Variants in CNTNAP2 observed in about 807,000 individuals in gnomAD.
CNTNAP2 encodes contactin-associated protein-like 2.
CNTNAP2 carries 98 observed loss-of-function variants against 155.2 expected under a neutral mutation model. The observed-to-expected ratio is 0.63, with a 90% CI of 0.54 to 0.75. The LOEUF (loss-of-function observed/expected upper bound fraction) is 0.75, where lower values mean the gene tolerates loss of function less well. Ranked by LOEUF, CNTNAP2 falls within the 30% of genes least tolerant of loss-of-function variation. CNTNAP2 has a pLI of 0.00. For synonymous variants in CNTNAP2, 651 were observed against 631.2 expected (o/e 1.03, Z -0.47); for missense variants, 1,727 against 1,688.1 (o/e 1.02, Z -0.40).
At chr7:148,058,176 G>C (rs1225819272) in intron 15 of CNTNAP2, among the ~76,000 whole-genome samples, 4 of 152,018 alleles carry the variant, frequency 2.6e-5, no homozygotes, top group Non-Finnish European at 5.9e-5. Context: ...GAGAGAGCAT[G>C]GTGTTCAATT....
chr7:146,937,384 TAAATA>T (rs1299030195), intron 3 of CNTNAP2, among the ~76,000 whole-genome samples: 1 of 148,708 alleles, frequency 6.7e-6, no homozygotes, highest in Non-Finnish European at 1.5e-5. Flanking sequence ...TAAAATAAAA[TAAATA>T]AAAGCGAAAA....
chr7:146,173,165 C>T (rs1038172514), intron 1 of CNTNAP2, among the ~76,000 whole-genome samples: 3 of 152,064 alleles, frequency 2.0e-5, no homozygotes, highest in Admixed American at 6.6e-5. Context: ...TAGTGAATTA[C>T]GTGCAGAGAA....
At chr7:147,963,540 G>A (rs145168550) in intron 14 of CNTNAP2, among the ~76,000 whole-genome samples, 47 of 152,246 alleles carry the variant, frequency 3.1e-4, no homozygotes, top group African/African-American at 1.1e-3. Flanking sequence ...ACAGAGGAAT[G>A]TGTGACAGTA....
chr7:148,322,409 A>G (rs1385686966), intron 21 of CNTNAP2, among the ~76,000 whole-genome samples: 1 of 152,242 alleles, frequency 6.6e-6, no homozygotes, highest in East Asian at 1.9e-4. Context: ...CATGGCAGCC[A>G]TAAGCTACCA....
At chr7:147,266,295 C>T (rs941015422) in intron 8 of CNTNAP2, among the ~76,000 whole-genome samples, 6 of 152,276 alleles carry the variant, frequency 3.9e-5, no homozygotes, top group South Asian at 2.1e-4. Flanking sequence ...CATAAAAGAC[C>T]GGATGGAGCT....
chr7:146,377,897 G>A (rs1795326280), intron 1 of CNTNAP2, among the ~76,000 whole-genome samples: 1 of 152,084 alleles, frequency 6.6e-6, no homozygotes, highest in African/African-American at 2.4e-5. Context: ...CCCAACGTGG[G>A]GCCTGAGATG....
In CNTNAP2 at chr7:146,649,437, G is replaced by A. The variant is rs979493912; in HGVS notation, c.98-124834G>A. 7.2e-5 allele frequency among the ~76,000 whole-genome samples: 11 copies of A among 152,224 alleles called. No individual in the cohort carries two copies. In the East Asian group the frequency reaches 2.1e-3, roughly 29 times the overall value. On this transcript the variant is annotated intron_variant, in intron 1 of 23. Transcript: ENST00000361727. Reference sequence around the variant, plus strand: ...TGATGTAAGTTCATGATAAATGCTAGAGGATTAATTTCATATAGCTACATA... The same window carrying A: ...TGATGTAAGTTCATGATAAATGCTAAAGGATTAATTTCATATAGCTACATA...
At chr7:146,872,225 C>A (rs1490910125) in intron 3 of CNTNAP2, among the ~76,000 whole-genome samples, 4 of 140,956 alleles carry the variant, frequency 2.8e-5, no homozygotes, top group African/African-American at 7.9e-5. Context: ...CGTCATCCAC[C>A]TGTATGAAAA....
chr7:147,307,254 G>A (rs1795047154), intron 9 of CNTNAP2, among the ~76,000 whole-genome samples: 1 of 152,172 alleles, frequency 6.6e-6, no homozygotes, highest in Non-Finnish European at 1.5e-5. Flanking sequence ...TAAATGCTGG[G>A]CAAGTCAGCT....
At chr7:147,606,534 C>A (rs1407430608) in intron 12 of CNTNAP2, among the ~76,000 whole-genome samples, 1 of 152,152 alleles carries the variant, frequency 6.6e-6, no homozygotes, top group Non-Finnish European at 1.5e-5. Context: ...ACCTTTACAT[C>A]TTTTATTCTT....
chr7:147,651,448 A>G (rs1372602773), intron 13 of CNTNAP2, among the ~76,000 whole-genome samples: 1 of 152,256 alleles, frequency 6.6e-6, no homozygotes, highest in Admixed American at 6.5e-5. Context: ...AAGTTGACAG[A>G]TAAAACCGAC....
chr7:147,819,326 T>C (rs1403002783), intron 13 of CNTNAP2, among the ~76,000 whole-genome samples: 2 of 152,168 alleles, frequency 1.3e-5, no homozygotes, highest in African/African-American at 4.8e-5. Context: ...TGATGTTGCC[T>C]TTTTCACTTC....
intron 1 of CNTNAP2, among the ~76,000 whole-genome samples, chr7:146,288,482 C>T (rs1236385874): frequency 6.6e-6 from 1 of 151,948 alleles, no homozygotes; most frequent in Non-Finnish European, 1.5e-5. Context: ...AGCAGGCCCT[C>T]AGATAATGTT....
chr7:147,701,263 T>G (rs976407066), intron 13 of CNTNAP2, among the ~76,000 whole-genome samples: 1 of 152,192 alleles, frequency 6.6e-6, no homozygotes, highest in Non-Finnish European at 1.5e-5. Context: ...AAACCTGGTT[T>G]GTTTGCAAGG....
chr7:148,216,129 G>A (rs1795634982), intron 18 of CNTNAP2, among the ~76,000 whole-genome samples: 1 of 152,120 alleles, frequency 6.6e-6, no homozygotes, highest in Non-Finnish European at 1.5e-5. Flanking sequence ...ACAGTGAGTC[G>A]GAGTGATTTA....
At chr7:147,252,387 A>G (rs1026038775) in intron 8 of CNTNAP2, among the ~76,000 whole-genome samples, 1 of 152,192 alleles carries the variant, frequency 6.6e-6, no homozygotes, top group African/African-American at 2.4e-5. Context: ...TGTGAATTAC[A>G]TCTTGCAAAA....
Position 146,561,109 on chromosome 7 carries a change from C to T in CNTNAP2, c.98-213162C>T, listed in dbSNP as rs189451966. Among the ~76,000 whole-genome samples, 1,043 of 152,266 alleles carry T rather than the reference C, an allele frequency of 6.8e-3. 16 individuals are homozygous for T. Among genetic ancestry groups the T allele is most frequent in the African/African-American group, 0.024 (978 of 41,554 alleles). On this transcript the variant is annotated intron_variant, in intron 1 of 23. Coordinates refer to ENST00000361727, the MANE Select transcript of CNTNAP2 (RefSeq NM_014141.6). ...AAGGTAGAAAGAAATTGCCCATCAT[C>T]GTCCAGGTTGTCTTGACCATCCTTA...
chr7:146,230,016 C>A (rs1305223926), intron 1 of CNTNAP2, among the ~76,000 whole-genome samples: 2 of 152,138 alleles, frequency 1.3e-5, no homozygotes, highest in Non-Finnish European at 2.9e-5. Flanking sequence ...GGATAAAAGG[C>A]ATTTTTCCAA....
At chr7:147,326,174 T>C (rs1795454814) in intron 9 of CNTNAP2, among the ~76,000 whole-genome samples, 1 of 152,224 alleles carries the variant, frequency 6.6e-6, no homozygotes, top group Non-Finnish European at 1.5e-5. Context: ...TCCGCCCGCC[T>C]TGGCCTCCCA....
Sources: gnomAD v4.1 joint callset for allele counts (sites outside exome capture counted in the v4.1 genomes callset) on GRCh38, gnomAD v4.1.1 for gene constraint, MANE v1.5 for transcripts, NCBI Gene and HGNC (gene_info 2026-07-23, HGNC 2026-07-21) for gene names.